The following CAMTA1 variants were observed in gnomAD, a reference collection of about 807,000 sequenced individuals.
CAMTA1 encodes calmodulin-binding transcription activator 1.
A neutral mutation model predicts 170.9 loss-of-function variants in CAMTA1; 27 were observed. The ratio of observed to expected loss-of-function variants is 0.16; its 90% CI spans 0.12 to 0.22. The LOEUF (loss-of-function observed/expected upper bound fraction) is 0.22. Ranked by LOEUF, CAMTA1 falls within the 10% of genes least tolerant of loss-of-function variation. The pLI is 1.00. For synonymous variants in CAMTA1, 833 were observed against 891.5 expected, an observed-to-expected ratio of 0.93 and a Z score of 1.17; for missense variants, 1,619 against 2,217.2, an observed-to-expected ratio of 0.73 and a Z score of 5.42.
intron 5 of CAMTA1, among the ~76,000 whole-genome samples, chr1:7,410,998 T>G (rs2149258776): frequency 6.6e-6 from 1 of 152,240 alleles, no homozygotes; most frequent in African/African-American, 2.4e-5. Flanking sequence ...TGTGTATGTG[T>G]GTGTATGTCT....
In CAMTA1 at chr1:7,041,471, G is replaced by A. The variant is rs982126278; in HGVS notation, c.235-49833G>A. On this transcript the variant is annotated intron_variant, in intron 3 of 22. Coordinates refer to ENST00000303635, the MANE Select transcript of CAMTA1 (RefSeq NM_015215.4). The surrounding 1 kb of genome is among the most constrained non-coding windows in gnomAD (Gnocchi z 5.1). ...TTCCTGTTGAGAGTCTCTTAAGCTA[G>A]ATTTATATCTGATTTTGCATTGAAC... Among the ~76,000 whole-genome samples the A allele has an allele frequency of 6.6e-6, 1 of 152,246 alleles. No individual in the cohort carries two copies. Among genetic ancestry groups the A allele is most frequent in the African/African-American group, 2.4e-5 (1 of 41,462 alleles).
intron 5 of CAMTA1, among the ~76,000 whole-genome samples, chr1:7,351,675 C>T (rs1161086360): frequency 6.6e-6 from 1 of 152,206 alleles, no homozygotes; most frequent in African/African-American, 2.4e-5. Context: ...AGGGCATCGT[C>T]CCCTCTCACC....
chr1:7,347,157 G>A (rs767079021), intron 5 of CAMTA1, among the ~76,000 whole-genome samples: 10 of 152,178 alleles, frequency 6.6e-5, no homozygotes, highest in Admixed American at 2.6e-4. Context: ...AACATTCCTC[G>A]GTGGGGAGAG....
chr1:7,302,482 C>T (rs184668743), intron 5 of CAMTA1, among the ~76,000 whole-genome samples: 45 of 152,352 alleles, frequency 3.0e-4, no homozygotes, highest in African/African-American at 9.1e-4. Context: ...TGGGCTGCCA[C>T]GGTGGCTGTC....
chr1:7,572,716 C>T (rs900084493), intron 6 of CAMTA1, among the ~76,000 whole-genome samples: 1 of 152,200 alleles, frequency 6.6e-6, no homozygotes, highest in Non-Finnish European at 1.5e-5. Flanking sequence ...AAACCCCCAC[C>T]TCCTAATACC....
chr1:6,945,950 C>T (rs1031669573), intron 3 of CAMTA1, among the ~76,000 whole-genome samples: 2 of 152,200 alleles, frequency 1.3e-5, no homozygotes, highest in African/African-American at 4.8e-5. Context: ...TATGATGAAT[C>T]GTACTGCTTT....
chr1:7,664,603 G>T lies in CAMTA1; in HGVS notation c.2056G>T (p.Ala686Ser). The T allele has an allele frequency of 6.2e-7, 1 of 1,611,900 alleles. No individual in the cohort carries two copies. The highest frequency in any genetic ancestry group is 1.1e-5 in the South Asian group (1 of 91,070). ...CCAGGCCAACTTCCAGGCCATGACG[G>T]CAGAAGGGGAGGTCACCATGGAGAC... ...QFQANFQAMT[A>S]EGEVTMETSQ... Residue 686 changes from alanine to serine, a missense_variant, in exon 9 of 23, where the codon GCA becomes TCA. Physicochemically the swap from Ala to Ser is moderately conservative, Grantham distance 99. Transcript: ENST00000303635.
rs72641250 is a variant in CAMTA1 at position 7,248,487 on chromosome 1, G to T, written c.303-1004G>T. ...CTGCTGCACGTTCAGGTGCAGAGTG[G>T]TGCAGCACTGCGTGGGGTGCTGCTA... is the stretch of plus-strand genomic sequence containing the variant. On this transcript the variant is annotated intron_variant, in intron 4 of 22. Transcript: ENST00000303635. The surrounding 1 kb of genome is among the most constrained non-coding windows in gnomAD (Gnocchi z 4.0). Among the ~76,000 whole-genome samples the T allele has an allele frequency of 4.2e-3, 634 of 152,304 alleles. 4 individuals carry two copies. Among genetic ancestry groups the T allele is most frequent in the Middle Eastern group, 0.01 (3 of 294 alleles).
intron 4 of CAMTA1, among the ~76,000 whole-genome samples, chr1:7,230,432 A>ACCG (rs1662526209): frequency 1.8e-4 from 7 of 38,250 alleles, no homozygotes; most frequent in African/African-American, 1.2e-3. Context: ...CTCTGGGCTG[A>ACCG]CCCCCCCCCC....
rs545384300 is a variant in CAMTA1 at position 7,173,343 on chromosome 1, C to T, written c.303-76148C>T. On this transcript the variant is annotated intron_variant, in intron 4 of 22. Coordinates refer to ENST00000303635, the MANE Select transcript of CAMTA1 (RefSeq NM_015215.4). The surrounding 1 kb of genome is among the most constrained non-coding windows in gnomAD (Gnocchi z 5.4). ...CTGGCCGTGACTGAGGCTCCACGAA[C>T]GCTGGCTCCCTTCTTAAATTTTTGT... 7.2e-5 allele frequency among the ~76,000 whole-genome samples: 11 copies of T among 152,110 alleles called. No homozygotes were observed. Among genetic ancestry groups the T allele is most frequent in the Non-Finnish European group, 1.2e-4 (8 of 68,030 alleles).
intron 3 of CAMTA1, among the ~76,000 whole-genome samples, chr1:6,875,875 G>A (rs1669690265): frequency 6.6e-6 from 1 of 152,202 alleles, no homozygotes; most frequent in African/African-American, 2.4e-5. Flanking sequence ...AAAACAAATA[G>A]GTCCTTACAT....
At chr1:6,949,047 A>G (rs1303898487) in intron 3 of CAMTA1, among the ~76,000 whole-genome samples, 1 of 152,208 alleles carries the variant, frequency 6.6e-6, no homozygotes, top group East Asian at 1.9e-4. Flanking sequence ...TGCTGAGGCA[A>G]GGGACCTGTT....
In CAMTA1 at chr1:7,769,062, A is replaced by G. The variant is rs1264121951; in HGVS notation, c.*2571A>G. ...AGCTGAATACGTTAGAAAATGACAG[A>G]TGGTAGAGACTTCCATAGAATTAAG... On this transcript the variant is annotated 3_prime_UTR_variant, in exon 23 of 23. Coordinates refer to ENST00000303635, the MANE Select transcript of CAMTA1 (RefSeq NM_015215.4). 1 of 152,588 alleles carries G rather than the reference A, an allele frequency of 6.6e-6. No homozygotes were observed. The highest frequency in any genetic ancestry group is 1.5e-5 in the Non-Finnish European group (1 of 68,036). 9.5% of individuals were successfully genotyped at this position (152,588 alleles called of 1,614,324 possible).
chr1:7,581,980 C>T (rs944466676), intron 6 of CAMTA1, among the ~76,000 whole-genome samples: 3 of 152,260 alleles, frequency 2.0e-5, no homozygotes, highest in African/African-American at 7.2e-5. Context: ...ATTCGTGTGC[C>T]GGCGAAGCTC....
chr1:6,827,535 A>AT lies in CAMTA1; in HGVS notation c.234+2338dup, dbSNP rs367938378. ...TGTTATGTGGCGATGATAACCTGCT[A>AT]TTTTTTTTTTTTTAAACTGGCTTTG... On this transcript the variant is annotated intron_variant, in intron 3 of 22. Coordinates refer to ENST00000303635, the MANE Select transcript of CAMTA1 (RefSeq NM_015215.4). Among the ~76,000 whole-genome samples, 1,064 of 145,784 alleles carry AT rather than the reference A, an allele frequency of 7.3e-3. 6 individuals carry two copies. Among genetic ancestry groups the AT allele is most frequent in the Non-Finnish European group, 9.4e-3 (618 of 65,844 alleles).
intron 3 of CAMTA1, among the ~76,000 whole-genome samples, chr1:7,025,670 T>C (rs1701925201): frequency 6.6e-6 from 1 of 152,168 alleles, no homozygotes; most frequent in Non-Finnish European, 1.5e-5. Context: ...CTGATTTCAA[T>C]GAACTAGACT....
At chr1:7,485,893 T>C (rs2093611397) in intron 6 of CAMTA1, among the ~76,000 whole-genome samples, 1 of 152,086 alleles carries the variant, frequency 6.6e-6, no homozygotes, top group African/African-American at 2.4e-5. Flanking sequence ...CTTTTAACAC[T>C]CCAGACCAGC....
chr1:7,003,282 G>A (rs756640591), intron 3 of CAMTA1, among the ~76,000 whole-genome samples: 2 of 152,344 alleles, frequency 1.3e-5, no homozygotes, highest in Non-Finnish European at 2.9e-5. Flanking sequence ...CACCACTACC[G>A]CAGTTTCTGG....
intron 5 of CAMTA1, among the ~76,000 whole-genome samples, chr1:7,422,546 T>C (rs2091634227): frequency 6.6e-6 from 1 of 152,118 alleles, no homozygotes; most frequent in Non-Finnish European, 1.5e-5. Context: ...CTAGCAGAGA[T>C]GGGATGCCAT....
Sources: allele counts gnomAD v4.1 joint callset (sites outside exome capture counted in the v4.1 genomes callset), GRCh38; gene constraint gnomAD v4.1.1; non-coding constraint Gnocchi (gnomAD v3.1); transcripts MANE v1.5; gene names NCBI Gene and HGNC (gene_info 2026-07-23, HGNC 2026-07-21).